The following CHKB variants were observed in gnomAD, a reference collection of about 807,000 sequenced individuals.
CHKB encodes the protein choline kinase beta.
CHKB carries 45 observed loss-of-function variants against 57.3 expected under a neutral mutation model. That is an observed-to-expected ratio of 0.79 (90% CI 0.62 to 1.01). The LOEUF is 1.01. CHKB is among the 50% of genes least tolerant of loss of function. The pLI is 0.00. For missense variants in CHKB, 517 were observed against 502.8 expected (o/e 1.03, Z -0.27); for synonymous variants, 224 against 201.8 (o/e 1.11, Z -0.93).
Position 50,582,276 on chromosome 22 carries a change from A to G in CHKB, c.306T>C (p.Leu102=), listed in dbSNP as rs1603443777. 6.3e-7 allele frequency: 1 copy of G among 1,594,294 alleles called. No homozygotes were observed. The highest frequency in any genetic ancestry group is 2.3e-5 in the East Asian group (1 of 44,130). The change falls in exon 2 of 11, where the codon CTT becomes CTC. Residue 102 remains leucine, a synonymous_variant. Transcript: ENST00000406938. ...GCAAGATGGCTCCGTACAGCCGCAG[A>G]AGCACCTCCCGGGGCTCCTCGCCAA... The part of the protein sequence containing the change: ...PSVGEEPREV[L]LRLYGAILQG...
chr22:50,579,920 C>T (rs1223344359), intron 8 of CHKB, 54 bp downstream of exon 8: 2 of 1,597,166 alleles, frequency 1.3e-6, no homozygotes, highest in Non-Finnish European at 1.7e-6. Flanking sequence ...CCAGACTCCA[C>T]CTCCCTCCTT....
In CHKB at chr22:50,581,744, C is replaced by G. The variant is rs371067691; in HGVS notation, c.447+5G>C. 1.9e-6 allele frequency: 3 copies of G among 1,612,790 alleles called. No individual in the cohort carries two copies. The highest frequency in any genetic ancestry group is 2.5e-6 in the Non-Finnish European group (3 of 1,179,090). On this transcript the variant is annotated splice_donor_5th_base_variant and intron_variant, in intron 3 of 10. Coordinates refer to ENST00000406938, the MANE Select transcript of CHKB (RefSeq NM_005198.5). ...GGGGAGGAGAGGGTAGGACTGGGCC[C>G]GTACTGGGATGTACTGTTCCAGCCG...
Position 50,582,713 on chromosome 22 carries a change from C to T in CHKB, c.69G>A (p.Leu23=). Residue 23 remains leucine (L), a synonymous_variant, in exon 1 of 11, where the codon TTG becomes TTA. Coordinates refer to ENST00000406938, the MANE Select transcript of CHKB (RefSeq NM_005198.5). ...TAGTGTCCGGGCACTTAGACTGCTG[C>T]AAGCCGTCTTTGGCCAGGCAGCCGC... The part of the protein sequence containing the change: ...AVGGCLAKDG[L]QQSKCPDTTP... The T allele has an allele frequency of 6.2e-7, 1 of 1,608,372 alleles. No homozygotes were observed. Among genetic ancestry groups the T allele is most frequent in the Non-Finnish European group, 8.5e-7 (1 of 1,178,394 alleles).
At position 50,579,727 on chromosome 22, in the gene CHKB, C is replaced by A; in HGVS notation, c.1031G>T (p.Arg344Leu). 1 of 1,613,546 alleles carries A rather than the reference C, an allele frequency of 6.2e-7. No individual in the cohort carries two copies. Among genetic ancestry groups the A allele is most frequent in the Non-Finnish European group, 8.5e-7 (1 of 1,179,560 alleles). ...LEEDLLVEVS[R>L]YALASHFFWG... ...CCCCACCCTGCCCCTCCTTCCTCACCGACTGACTTCTACCAGCAAATCTTC... is the reference window on the plus strand; with the variant it reads ...CCCCACCCTGCCCCTCCTTCCTCACAGACTGACTTCTACCAGCAAATCTTC... The change falls in exon 9 of 11, where the codon CGG (arginine) becomes CTG (leucine). Residue 344 changes from arginine to leucine, a missense_variant and splice_region_variant. Coordinates refer to ENST00000406938, the MANE Select transcript of CHKB (RefSeq NM_005198.5).
chr22:50,578,988 G>A lies in CHKB; in HGVS notation c.*193C>T, dbSNP rs2070605944. ...TGGGAAGAAGAAGCTTGTTTATTGT[G>A]TTACATACACAGCACGGGGCTCTGG... On this transcript the variant is annotated 3_prime_UTR_variant, in exon 11 of 11. Coordinates refer to ENST00000406938, the MANE Select transcript of CHKB (RefSeq NM_005198.5). 1.5e-6 allele frequency: 1 copy of A among 646,640 alleles called. No individual in the cohort carries two copies. The allele number at this position is 646,640 out of a possible 1,614,324, so 40.1% of individuals were successfully genotyped here. A position where few individuals can be genotyped will look rare whatever the true frequency, so the allele number is the denominator to read the frequency against.
At position 50,579,773 on chromosome 22, in the gene CHKB, C is replaced by G; in HGVS notation, c.985G>C (p.Glu329Gln). 1 of 1,614,100 alleles carries G rather than the reference C, an allele frequency of 6.2e-7. No individual in the cohort carries two copies. The highest frequency in any genetic ancestry group is 8.5e-7 in the Non-Finnish European group (1 of 1,180,024). The change falls in exon 9 of 11, where the codon GAG becomes CAG. Residue 329 changes from glutamate (E) to glutamine (Q), a missense_variant. Coordinates refer to ENST00000406938, the MANE Select transcript of CHKB (RefSeq NM_005198.5). ...TCTTCTTCCAGTTTTCTCTGCTCCT[C>G]TTGGGAGAGGGTCTCACCTTTCTTT... ...EAKKGETLSQ[E>Q]EQRKLEEDLL...
chr22:50,579,212 C>T lies in CHKB; in HGVS notation c.1157G>A (p.Gly386Glu), dbSNP rs140289037. 3.6e-5 allele frequency: 58 copies of T among 1,613,730 alleles called. No homozygotes were observed. The highest frequency in any genetic ancestry group is 4.5e-5 in the Non-Finnish European group (53 of 1,179,898). ...SRFQFYFQQK[G>E]QLTSVHSSS Reference sequence around the variant, plus strand: ...TGAGGAGTGGACACTGGTCAGCTGCCCCTTCTGCTGGAAGTAGAACTGGAA... The same window carrying T: ...TGAGGAGTGGACACTGGTCAGCTGCTCCTTCTGCTGGAAGTAGAACTGGAA... Residue 386 changes from glycine (G) to glutamate (E), a missense_variant, in exon 11 of 11, where the codon GGG becomes GAG. Gly to Glu is a moderately conservative substitution (Grantham distance 98). Coordinates refer to ENST00000406938, the MANE Select transcript of CHKB (RefSeq NM_005198.5).
At chr22:50,580,147 C>G (rs1362034053) in intron 7 of CHKB, 43 bp downstream of exon 7, 1 of 1,613,188 alleles carries the variant, frequency 6.2e-7, no homozygotes, top group East Asian at 2.2e-5. Context: ...TTTCAAGAGC[C>G]CTATGGGAAC....
intron 7 of CHKB, 29 bp from the exon 8 acceptor site, chr22:50,580,111 C>T: frequency 1.2e-6 from 2 of 1,613,278 alleles, no homozygotes; most frequent in Non-Finnish European, 1.7e-6. Flanking sequence ...CATTCAGTCC[C>T]CAAATGCCCT....
chr22:50,582,788 G>A lies in CHKB; in HGVS notation c.-7C>T, dbSNP rs771910804. 2.6e-6 allele frequency: 4 copies of A among 1,556,390 alleles called. No individual in the cohort carries two copies. In the Admixed American group the frequency reaches 5.7e-5, roughly 22 times the overall value. On this transcript the variant is annotated 5_prime_UTR_variant, in exon 1 of 11. Coordinates refer to ENST00000406938, the MANE Select transcript of CHKB (RefSeq NM_005198.5). ...CTGTCGCCTCGGCCGCCATGGCGCG[G>A]GCTCGACCGGGCCCCAGGCCAGGCT...
chr22:50,581,302 T>C (rs1167474103), intron 4 of CHKB, 118 bp downstream of exon 4: 1 of 1,342,870 alleles, frequency 7.4e-7, no homozygotes, highest in African/African-American at 1.5e-5. Context: ...GCCTGTTCTG[T>C]GACAGCCCAT....
Position 50,581,811 on chromosome 22 carries a change from G to A in CHKB, c.385C>T (p.Arg129Trp), listed in dbSNP as rs767938046. The change falls in exon 3 of 11, where the codon CGG becomes TGG. Residue 129 changes from arginine to tryptophan, a missense_variant. Coordinates refer to ENST00000406938, the MANE Select transcript of CHKB (RefSeq NM_005198.5). Reference sequence around the variant, plus strand: ...CCGTACAGCTGGGGCCCCAGCGACCGCTCCGCAAGTATGGCGAACATCACG... The same window carrying A: ...CCGTACAGCTGGGGCCCCAGCGACCACTCCGCAAGTATGGCGAACATCACG... ...ESVMFAILAE[R>W]SLGPQLYGVF... The A allele has an allele frequency of 2.5e-6, 4 of 1,613,864 alleles. No homozygotes were observed. The highest frequency in any genetic ancestry group is 2.5e-6 in the Non-Finnish European group (3 of 1,180,002).
Position 50,579,652 on chromosome 22 carries a change from C to T in CHKB, c.1031+75G>A, listed in dbSNP as rs1361205830. ...CTCTCCACAGCCACCTTCCCTGCAG[C>T]TTGATAAATCTGCCTCTTCCCCAAT... On this transcript the variant is annotated intron_variant, in intron 9 of 10. Coordinates refer to ENST00000406938, the MANE Select transcript of CHKB (RefSeq NM_005198.5). 5 of 1,505,534 alleles carry T rather than the reference C, an allele frequency of 3.3e-6. No individual in the cohort carries two copies. The African/African-American group carries it at 6.9e-5, about 21-fold the overall frequency. The allele number at this position is 1,505,534 out of a possible 1,614,324, so 93.3% of individuals were successfully genotyped here.
chr22:50,581,902 G>C, intron 2 of CHKB, 40 bp from the exon 3 acceptor site: 2 of 1,564,654 alleles, frequency 1.3e-6, no homozygotes, highest in Non-Finnish European at 1.8e-6. Context: ...AGGCAAAGTG[G>C]CACAGGGACA....
At chr22:50,581,364 C>T in intron 4 of CHKB, 56 bp downstream of exon 4, 1 of 1,605,606 alleles carries the variant, frequency 6.2e-7, no homozygotes, top group Non-Finnish European at 8.5e-7. Flanking sequence ...GACACATCCG[C>T]TGGCATGGAG....
In CHKB at chr22:50,582,749, G is replaced by A. The variant is rs780553092; in HGVS notation, c.33C>T (p.Ser11=). Residue 11 remains serine (S), a synonymous_variant, in exon 1 of 11, where the codon AGC becomes AGT. Coordinates refer to ENST00000406938, the MANE Select transcript of CHKB (RefSeq NM_005198.5). ...TGGCCAGGCAGCCGCCAACAGCCCC[G>A]CTTCCGGCCACAGCTGTCGCCTCGG... MAAEATAVAG[S]GAVGGCLAKD... is the part of the protein sequence containing the mutation. 3 of 1,593,612 alleles carry A rather than the reference G, an allele frequency of 1.9e-6. No individual in the cohort carries two copies. Among genetic ancestry groups the A allele is most frequent in the Non-Finnish European group, 2.6e-6 (3 of 1,171,494 alleles).
Position 50,581,404 on chromosome 22 carries a change from G to A in CHKB, c.581+16C>T. On this transcript the variant is annotated intron_variant, in intron 4 of 10. Transcript: ENST00000406938. ...AGCTCAGGAGTACAGGAGCCCTGAG[G>A]AGGCTCCTGACTCACCGCTCCATGG... 6.2e-7 allele frequency: 1 copy of A among 1,612,566 alleles called. No homozygotes were observed. The highest frequency in any genetic ancestry group is 8.5e-7 in the Non-Finnish European group (1 of 1,179,748).
At chr22:50,579,280 C>G in intron 10 of CHKB, 25 bp from the exon 11 acceptor site, 1 of 1,611,612 alleles carries the variant, frequency 6.2e-7, no homozygotes, top group South Asian at 1.1e-5. Context: ...CCACCCCACA[C>G]AGTGGTGAGA....
In CHKB at chr22:50,581,866, A is replaced by C; in HGVS notation, c.334-4T>G. On this transcript the variant is annotated splice_polypyrimidine_tract_variant and splice_region_variant and intron_variant, in intron 2 of 10. Coordinates refer to ENST00000406938, the MANE Select transcript of CHKB (RefSeq NM_005198.5). ...CTAGCACCAGGGAGTCCACGCCCTG[A>C]AAAAGGATGGACAGCAAAGGGGCCA... is the stretch of plus-strand genomic sequence containing the variant. 1 of 1,613,112 alleles carries C rather than the reference A, an allele frequency of 6.2e-7. No individual in the cohort carries two copies. The highest frequency in any genetic ancestry group is 8.5e-7 in the Non-Finnish European group (1 of 1,179,422).
Sources: gnomAD v4.1 joint callset for allele counts on GRCh38, gnomAD v4.1.1 for gene constraint, MANE v1.5 for transcripts, NCBI Gene and HGNC (gene_info 2026-07-23, HGNC 2026-07-21) for gene names.